Variants in VPS13B observed in about 807,000 individuals in gnomAD.
VPS13B encodes the protein intermembrane lipid transfer protein VPS13B.
VPS13B carries 285 observed loss-of-function variants against 426.4 expected under a neutral mutation model. The observed-to-expected ratio is 0.67, with a 90% CI of 0.61 to 0.74. The LOEUF (loss-of-function observed/expected upper bound fraction) is 0.74. Ranked by LOEUF, VPS13B falls within the 30% of genes least tolerant of loss-of-function variation. The pLI is 0.00. For missense variants in VPS13B, 4,537 were observed against 4,782.6 expected (o/e 0.95, Z 1.51); for synonymous variants, 1,676 against 1,676.4 (o/e 1.00, Z 0.01).
At chr8:99,852,556 A>C (rs1396061842) in intron 55 of VPS13B, among the ~76,000 whole-genome samples, 1 of 152,234 alleles carries the variant, frequency 6.6e-6, no homozygotes, top group Non-Finnish European at 1.5e-5. Flanking sequence ...AGTTGTCAGC[A>C]ATGTCATATG....
intron 33 of VPS13B, among the ~76,000 whole-genome samples, chr8:99,601,461 C>T (rs1462028395): frequency 3.3e-5 from 5 of 152,206 alleles, no homozygotes; most frequent in Admixed American, 6.5e-5. Flanking sequence ...AATAAACATA[C>T]GTGTGCATGT....
intron 29 of VPS13B, among the ~76,000 whole-genome samples, chr8:99,513,117 A>T (rs1203401538): frequency 1.3e-5 from 2 of 151,626 alleles, no homozygotes; most frequent in African/African-American, 2.4e-5. Context: ...ATAAAGTTTT[A>T]TACTATATAA....
At chr8:99,345,297 C>G (rs1811478293) in intron 19 of VPS13B, among the ~76,000 whole-genome samples, 1 of 152,104 alleles carries the variant, frequency 6.6e-6, no homozygotes, top group African/African-American at 2.4e-5. Context: ...TCTTCTAGAG[C>G]AAATCTGCCC....
chr8:99,774,246 A>G (rs1278222228), intron 40 of VPS13B, among the ~76,000 whole-genome samples: 1 of 152,214 alleles, frequency 6.6e-6, no homozygotes, highest in Non-Finnish European at 1.5e-5. Flanking sequence ...CATATAAATT[A>G]ACCTAGTAAC....
rs575370282 is a variant in VPS13B, at chr8:99,441,989, T to C, written c.3211-412T>C. ...TATATTCTAGTCTGTAAAGTAAAAA[T>C]GGAAGGACTAAATTCACGTAAAAAT... On this transcript the variant is annotated intron_variant, in intron 22 of 61. Transcript: ENST00000357162. Among the ~76,000 whole-genome samples, 6 of 152,222 alleles carry C rather than the reference T, an allele frequency of 3.9e-5. No homozygotes were observed. In the East Asian group the frequency reaches 1.2e-3, roughly 29 times the overall value.
At position 99,170,030 on chromosome 8, in the gene VPS13B, T is replaced by C. The variant is rs1256221836; in HGVS notation, c.2209-9T>C. 6.2e-7 allele frequency: 1 copy of C among 1,612,234 alleles called. No homozygotes were observed. The highest frequency in any genetic ancestry group is 1.1e-5 in the South Asian group (1 of 91,054). ...GTGTGAACACTTGCATCTTTTCTTTTTGTTTTAGATATTTGGTTTCCAGGC... is the reference window on the plus strand; with the variant it reads ...GTGTGAACACTTGCATCTTTTCTTTCTGTTTTAGATATTTGGTTTCCAGGC... On this transcript the variant is annotated splice_polypyrimidine_tract_variant and intron_variant, in intron 15 of 61. Coordinates refer to ENST00000357162, the MANE Select transcript of VPS13B (RefSeq NM_152564.5).
At chr8:99,049,584 C>T (rs913309831) in intron 3 of VPS13B, among the ~76,000 whole-genome samples, 1 of 151,484 alleles carries the variant, frequency 6.6e-6, no homozygotes, top group Non-Finnish European at 1.5e-5. Context: ...TGTGCTTTTG[C>T]CTCACAGCTC....
At chr8:99,712,288 C>A (rs1188834942) in intron 36 of VPS13B, among the ~76,000 whole-genome samples, 2 of 152,224 alleles carry the variant, frequency 1.3e-5, no homozygotes, top group Non-Finnish European at 2.9e-5. Flanking sequence ...TGACTGCCAG[C>A]AGTTCCAAGG....
chr8:99,819,653 T>G (rs899699517), intron 48 of VPS13B, 71 bp downstream of exon 48: 1 of 1,509,496 alleles, frequency 6.6e-7, no homozygotes, highest in Admixed American at 1.9e-5. Context: ...ACAAAAATAT[T>G]AAATACCATA....
At chr8:99,672,922 T>C (rs539394938) in intron 35 of VPS13B, among the ~76,000 whole-genome samples, 5 of 152,132 alleles carry the variant, frequency 3.3e-5, no homozygotes, top group Admixed American at 1.3e-4. Flanking sequence ...TGTCCTACAT[T>C]CTGTTAATGT....
intron 4 of VPS13B, among the ~76,000 whole-genome samples, chr8:99,098,318 C>T (rs1846535810): frequency 6.6e-6 from 1 of 152,014 alleles, no homozygotes; most frequent in African/African-American, 2.4e-5. Flanking sequence ...TGGTGTACAA[C>T]CTTTTAGAGA....
intron 3 of VPS13B, among the ~76,000 whole-genome samples, chr8:99,076,718 C>A (rs1845144563): frequency 6.6e-6 from 1 of 150,564 alleles, no homozygotes; most frequent in South Asian, 2.1e-4. Flanking sequence ...TATCTTTTTC[C>A]ATTCCTGTAC....
chr8:99,717,229 T>A lies in VPS13B; in HGVS notation c.6513T>A (p.Ser2171Arg). 1 of 1,614,006 alleles carries A rather than the reference T, an allele frequency of 6.2e-7. No individual in the cohort carries two copies. Among genetic ancestry groups the A allele is most frequent in the Non-Finnish European group, 8.5e-7 (1 of 1,179,942 alleles). The change falls in exon 37 of 62, where the codon AGT becomes AGA. Residue 2171 changes from serine to arginine, a missense_variant. Physicochemically the swap from Ser to Arg is moderately radical, Grantham distance 110. Transcript: ENST00000357162. ...TAAACGATTTTCTCCTTAAAACAAG[T>A]CTCAAAGAAAGAAGCCGCATTCTGA... ...LSINDFLLKTSLKERSRILIG... is the reference protein window; with the variant it reads ...LSINDFLLKTRLKERSRILIG...
chr8:99,016,820 G>C (rs2132137002), intron 2 of VPS13B, among the ~76,000 whole-genome samples: 1 of 152,068 alleles, frequency 6.6e-6, no homozygotes, highest in South Asian at 2.1e-4. Context: ...TCGATTCCCT[G>C]ACCTTGTGAT....
At chr8:99,329,022 T>C (rs899732944) in intron 19 of VPS13B, among the ~76,000 whole-genome samples, 8 of 152,154 alleles carry the variant, frequency 5.3e-5, no homozygotes, top group Non-Finnish European at 1.2e-4. Flanking sequence ...GCTTATTTTT[T>C]CAGTTGAGTG....
At chr8:99,052,822 G>C (rs962175569) in intron 3 of VPS13B, among the ~76,000 whole-genome samples, 1 of 152,236 alleles carries the variant, frequency 6.6e-6, no homozygotes, top group Admixed American at 6.5e-5. Flanking sequence ...TTTGCATAGA[G>C]ATGTTTGTAG....
At chr8:99,558,741 A>T (rs1474201319) in intron 31 of VPS13B, among the ~76,000 whole-genome samples, 3 of 152,152 alleles carry the variant, frequency 2.0e-5, no homozygotes, top group Admixed American at 6.5e-5. Context: ...ACGTGAACTC[A>T]TCCTTTTTTA....
At chr8:99,666,686 A>G (rs1279635281) in intron 35 of VPS13B, among the ~76,000 whole-genome samples, 1 of 152,188 alleles carries the variant, frequency 6.6e-6, no homozygotes, top group Non-Finnish European at 1.5e-5. Flanking sequence ...TCTATGATAA[A>G]TCCACAGCCA....
intron 20 of VPS13B, among the ~76,000 whole-genome samples, chr8:99,384,831 C>T (rs1232889766): frequency 1.3e-5 from 2 of 152,150 alleles, no homozygotes; most frequent in East Asian, 3.9e-4. Context: ...AGGCATGTGC[C>T]ACCATGCCCA....
Sources: allele counts gnomAD v4.1 joint callset (sites outside exome capture counted in the v4.1 genomes callset), GRCh38; gene constraint gnomAD v4.1.1; transcripts MANE v1.5; gene names NCBI Gene and HGNC (gene_info 2026-07-23, HGNC 2026-07-21).